The following METTL6 variants were observed in gnomAD, a reference collection of about 807,000 sequenced individuals.
METTL6 encodes the protein tRNA N(3)-cytidine methyltransferase METTL6.
Under a neutral mutation model 26.4 loss-of-function variants are expected in METTL6, and 22 were observed. That is an observed-to-expected ratio of 0.83 (90% CI 0.59 to 1.19). The LOEUF (loss-of-function observed/expected upper bound fraction) is 1.19, where lower values mean the gene tolerates loss of function less well. Among genes scored for constraint, METTL6 ranks in the 50% most tolerant of loss-of-function variants. The pLI is 0.00. For synonymous variants in METTL6, 109 were observed against 116.2 expected, an observed-to-expected ratio of 0.94 and a Z score of 0.40; for missense variants, 304 against 324.8, an observed-to-expected ratio of 0.94 and a Z score of 0.49.
chr3:15,393,551 G>C (rs1699406332), intron 6 of METTL6, among the ~76,000 whole-genome samples: 2 of 152,200 alleles, frequency 1.3e-5, no homozygotes, highest in Non-Finnish European at 1.5e-5. Flanking sequence ...GGAGTGGTGA[G>C]AGAGGGCATC....
chr3:15,401,453 C>A (rs934546897), intron 6 of METTL6, among the ~76,000 whole-genome samples: 6 of 143,982 alleles, frequency 4.2e-5, no homozygotes, highest in African/African-American at 1.6e-4. Flanking sequence ...GGAATACAGG[C>A]ATGAGCCATT....
intron 6 of METTL6, among the ~76,000 whole-genome samples, chr3:15,393,242 C>T (rs1446939092): frequency 1.3e-5 from 2 of 152,068 alleles, no homozygotes; most frequent in South Asian, 2.1e-4. Context: ...CTAGGTATTT[C>T]ATTCTCTTTG....
chr3:15,412,721 C>T (rs981497684), intron 5 of METTL6, among the ~76,000 whole-genome samples: 4 of 151,902 alleles, frequency 2.6e-5, no homozygotes, highest in Non-Finnish European at 4.4e-5. Flanking sequence ...AACTCCTGAG[C>T]TCAAGTGATC....
intron 6 of METTL6, among the ~76,000 whole-genome samples, chr3:15,393,650 T>C (rs1460685078): frequency 1.3e-5 from 2 of 152,220 alleles, no homozygotes; most frequent in East Asian, 3.8e-4. Context: ...AAATAGCTCT[T>C]ATTATTTTGA....
At chr3:15,422,527 A>G (rs1016225737) in intron 3 of METTL6, among the ~76,000 whole-genome samples, 13 of 151,932 alleles carry the variant, frequency 8.6e-5, no homozygotes, top group African/African-American at 9.7e-5. Context: ...TGAGAGGCAG[A>G]GGCAGGAGGA....
At chr3:15,388,607 G>A (rs944541362) in intron 6 of METTL6, among the ~76,000 whole-genome samples, 5 of 152,188 alleles carry the variant, frequency 3.3e-5, no homozygotes, top group Non-Finnish European at 7.3e-5. Flanking sequence ...TCCATCAAGT[G>A]CAGGGTCTGC....
chr3:15,411,220 T>A lies in METTL6; in HGVS notation c.*36A>T. 1 of 1,585,430 alleles carries A rather than the reference T, an allele frequency of 6.3e-7. No homozygotes were observed. The highest frequency in any genetic ancestry group is 8.6e-7 in the Non-Finnish European group (1 of 1,168,386). ...GAAAGAGTGATTTTAAATTTTCCTC[T>A]TCAAGGGAAGGTATAAATGCCAACC... On this transcript the variant is annotated 3_prime_UTR_variant, in exon 6 of 6. Coordinates refer to ENST00000383790, the MANE Select transcript of METTL6 (RefSeq NM_152396.4).
chr3:15,398,092 C>T (rs112103958), intron 6 of METTL6, among the ~76,000 whole-genome samples: 92 of 151,948 alleles, frequency 6.1e-4, no homozygotes, highest in African/African-American at 2.2e-3. Flanking sequence ...CTTTGAAAAA[C>T]TCCTAACCTT....
chr3:15,422,596 A>G (rs2061632801), intron 3 of METTL6, among the ~76,000 whole-genome samples: 2 of 152,152 alleles, frequency 1.3e-5, no homozygotes, highest in Admixed American at 1.3e-4. Context: ...ACTGCACTCC[A>G]GCCTGGGTGA....
At chr3:15,406,312 C>G (rs992068933), downstream of METTL6, among the ~76,000 whole-genome samples, 13 of 151,356 alleles carry the variant, frequency 8.6e-5, no homozygotes, top group African/African-American at 3.2e-4. Flanking sequence ...AGAACCTGAT[C>G]CTCTGTTGTA....
intron 6 of METTL6, among the ~76,000 whole-genome samples, chr3:15,397,279 G>A (rs1381655322): frequency 4.6e-5 from 7 of 152,326 alleles, no homozygotes; most frequent in Non-Finnish European, 4.4e-5. Flanking sequence ...AGGACCCTCC[G>A]AGCCAGGCAC....
intron 6 of METTL6, among the ~76,000 whole-genome samples, chr3:15,388,408 G>A (rs1343289866): frequency 6.6e-6 from 1 of 152,184 alleles, no homozygotes; most frequent in Non-Finnish European, 1.5e-5. Context: ...ACTGCACCTG[G>A]CCAGGAAATG....
downstream of METTL6, among the ~76,000 whole-genome samples, chr3:15,406,174 C>T (rs6442524): frequency 0.022 from 3,281 of 151,818 alleles, 96 homozygotes; most frequent in African/African-American, 0.072. Flanking sequence ...ACGTTTCCGG[C>T]GACTGTTTTC....
At chr3:15,417,103 G>A (rs1311046008) in intron 3 of METTL6, among the ~76,000 whole-genome samples, 2 of 152,176 alleles carry the variant, frequency 1.3e-5, no homozygotes, top group African/African-American at 4.8e-5. Flanking sequence ...GTTCAAAGCT[G>A]CAGTGAGCTA....
At chr3:15,393,652 T>C (rs1699408847) in intron 6 of METTL6, among the ~76,000 whole-genome samples, 1 of 152,196 alleles carries the variant, frequency 6.6e-6, no homozygotes, top group South Asian at 2.1e-4. Flanking sequence ...ATAGCTCTTA[T>C]TATTTTGAGA....
chr3:15,400,811 G>A (rs561661514), intron 6 of METTL6, among the ~76,000 whole-genome samples: 8 of 152,264 alleles, frequency 5.3e-5, no homozygotes, highest in African/African-American at 1.9e-4. Context: ...TCCTTCTTGT[G>A]CGTGAAGTTT....
chr3:15,385,323 C>A (rs2124885185), intron 6 of METTL6, among the ~76,000 whole-genome samples: 1 of 152,198 alleles, frequency 6.6e-6, no homozygotes, highest in Non-Finnish European at 1.5e-5. Context: ...GTTGGCCAGG[C>A]GCAGTGGCTC....
chr3:15,391,178 T>G (rs982084666), intron 6 of METTL6, among the ~76,000 whole-genome samples: 1 of 152,204 alleles, frequency 6.6e-6, no homozygotes, highest in Non-Finnish European at 1.5e-5. Context: ...TCCCCAATGC[T>G]CAGCTGCTGT....
At chr3:15,405,721 C>G (rs573630677), downstream of METTL6, among the ~76,000 whole-genome samples, 1 of 152,316 alleles carries the variant, frequency 6.6e-6, no homozygotes, top group East Asian at 1.9e-4. Flanking sequence ...CCATTTCGAC[C>G]TAACAATATA....
Sources: allele counts gnomAD v4.1 joint callset (sites outside exome capture counted in the v4.1 genomes callset), GRCh38; gene constraint gnomAD v4.1.1; transcripts MANE v1.5; gene names NCBI Gene and HGNC (gene_info 2026-07-23, HGNC 2026-07-21).